DPP6: variants seen among roughly 807,000 people sequenced by gnomAD.
DPP6 encodes the protein A-type potassium channel modulatory protein DPP6.
In DPP6, 69 loss-of-function variants were observed where a neutral mutation model predicts 122.6. The ratio of observed to expected loss-of-function variants is 0.56; its 90% CI spans 0.46 to 0.69. DPP6 has a LOEUF of 0.69. Among genes scored for constraint, DPP6 ranks in the 30% least tolerant of loss-of-function variants. DPP6 has a pLI of 0.00. For synonymous variants in DPP6, 418 were observed against 433.1 expected, an observed-to-expected ratio of 0.97 and a Z score of 0.43; for missense variants, 928 against 1,116.9, an observed-to-expected ratio of 0.83 and a Z score of 2.41.
chr7:154,536,792 T>C (rs1435627111), intron 3 of DPP6, among the ~76,000 whole-genome samples: 1 of 152,200 alleles, frequency 6.6e-6, no homozygotes, highest in Non-Finnish European at 1.5e-5. Flanking sequence ...ACTGCAGATA[T>C]TCTTGCTGAA....
At chr7:154,418,830 T>C (rs1817232987) in intron 1 of DPP6, among the ~76,000 whole-genome samples, 1 of 152,222 alleles carries the variant, frequency 6.6e-6, no homozygotes, top group Non-Finnish European at 1.5e-5. Flanking sequence ...ATAAGCACCA[T>C]GGACCCTTCT....
At chr7:154,182,609 T>A (rs1288332402) in intron 1 of DPP6, among the ~76,000 whole-genome samples, 1 of 152,098 alleles carries the variant, frequency 6.6e-6, no homozygotes, top group Non-Finnish European at 1.5e-5. Flanking sequence ...CACACACAGA[T>A]GTCAAGAGAT....
At chr7:154,825,336 A>C (rs770718754) in intron 16 of DPP6, among the ~76,000 whole-genome samples, 3 of 152,228 alleles carry the variant, frequency 2.0e-5, no homozygotes, top group Non-Finnish European at 4.4e-5. Context: ...AGACTATTTT[A>C]AATCTACCTG....
chr7:154,387,007 G>T (rs1048950600), intron 1 of DPP6, among the ~76,000 whole-genome samples: 2 of 152,166 alleles, frequency 1.3e-5, no homozygotes, highest in Non-Finnish European at 2.9e-5. Flanking sequence ...CTTTTCCAGA[G>T]TGAGGTTACA....
chr7:153,816,461 G>C, the DPP6 span, among the ~76,000 whole-genome samples: 5 of 152,112 alleles, frequency 3.3e-5, no homozygotes, highest in South Asian at 2.1e-4. Context: ...GGAAGTAACT[G>C]TTTCCCTTAT....
At chr7:154,332,492 A>G (rs1030095081) in intron 1 of DPP6, among the ~76,000 whole-genome samples, 3 of 152,242 alleles carry the variant, frequency 2.0e-5, no homozygotes, top group Admixed American at 1.3e-4. Flanking sequence ...CTCCCAGGCC[A>G]TGCAGTTGAT....
At chr7:154,102,764 T>A (rs528991804) in intron 1 of DPP6, among the ~76,000 whole-genome samples, 1 of 152,290 alleles carries the variant, frequency 6.6e-6, no homozygotes, top group South Asian at 2.1e-4. Context: ...CTAGCTCCCT[T>A]AGCTTTGCTT....
intron 5 of DPP6, among the ~76,000 whole-genome samples, chr7:154,585,743 T>G (rs1385631947): frequency 6.6e-6 from 1 of 152,216 alleles, no homozygotes; most frequent in Non-Finnish European, 1.5e-5. Context: ...AATCTGCACA[T>G]GTTCAGTACA....
At chr7:154,204,474 T>C (rs186825728) in intron 1 of DPP6, among the ~76,000 whole-genome samples, 266 of 152,216 alleles carry the variant, frequency 1.7e-3, no homozygotes, top group Middle Eastern at 3.4e-3. Flanking sequence ...TGGGAAGAAT[T>C]AATTATTCAA....
At chr7:154,469,240 C>T (rs1445055278) in intron 2 of DPP6, among the ~76,000 whole-genome samples, 1 of 152,164 alleles carries the variant, frequency 6.6e-6, no homozygotes. Context: ...ACTGACTGTA[C>T]ATTTTCTTGT....
intron 1 of DPP6, among the ~76,000 whole-genome samples, chr7:154,259,712 A>G (rs558198496): frequency 6.6e-6 from 1 of 152,314 alleles, no homozygotes; most frequent in Admixed American, 6.5e-5. Flanking sequence ...GAGGGAATGA[A>G]TATTTTACAG....
intron 4 of DPP6, among the ~76,000 whole-genome samples, chr7:154,565,689 C>A (rs1830701070): frequency 6.6e-6 from 1 of 152,166 alleles, no homozygotes; most frequent in Non-Finnish European, 1.5e-5. Flanking sequence ...CCATACCCAG[C>A]TAATTTTGTA....
chr7:154,760,839 T>TG lies in DPP6; in HGVS notation c.884-8578_884-8577insG, dbSNP rs1205509392. On this transcript the variant is annotated intron_variant, in intron 8 of 25. Transcript: ENST00000377770. The surrounding 1 kb of genome is among the most constrained non-coding windows in gnomAD (Gnocchi z 4.5). ...GCTCAGCCTTCCTCTTTCAAAACTT[T>TG]TGTTTTTTTTTTTTTGAGACAGTCT... Among the ~76,000 whole-genome samples, 1 of 72,128 alleles carries TG rather than the reference T, an allele frequency of 1.4e-5. No homozygotes were observed. Among genetic ancestry groups the TG allele is most frequent in the African/African-American group, 5.5e-5 (1 of 18,234 alleles). The allele number at this position is 72,128 out of a possible 152,430, so 47.3% of individuals were successfully genotyped here. A position where few individuals can be genotyped will look rare whatever the true frequency, so the allele number is the denominator to read the frequency against.
chr7:154,544,050 T>C (rs963796179), intron 4 of DPP6, among the ~76,000 whole-genome samples: 3 of 146,100 alleles, frequency 2.1e-5, no homozygotes, highest in Non-Finnish European at 4.5e-5. Flanking sequence ...AATTCTATGA[T>C]GATTATATTA....
At chr7:154,063,198 G>A (rs6969182) in intron 1 of DPP6, among the ~76,000 whole-genome samples, 16,761 of 119,434 alleles carry the variant, frequency 0.14, 3,188 homozygotes, top group East Asian at 0.24. Flanking sequence ...CCATCGCAGG[G>A]TTGGGGAGGC....
intron 7 of DPP6, among the ~76,000 whole-genome samples, chr7:154,678,662 C>T (rs1290377591): frequency 3.3e-5 from 5 of 152,206 alleles, no homozygotes; most frequent in Admixed American, 6.5e-5. Context: ...GAACCAATTC[C>T]GGAGAAACTT....
At chr7:154,239,696 G>A (rs1402339624) in intron 1 of DPP6, among the ~76,000 whole-genome samples, 1 of 151,954 alleles carries the variant, frequency 6.6e-6, no homozygotes, top group Non-Finnish European at 1.5e-5. Context: ...GGCTGGGCTG[G>A]GCTCAATGGC....
intron 1 of DPP6, among the ~76,000 whole-genome samples, chr7:154,024,134 G>A (rs1381682357): frequency 2.0e-5 from 3 of 152,126 alleles, no homozygotes; most frequent in Admixed American, 6.5e-5. Context: ...AGGTGTGGGC[G>A]AGAAGGAATT....
chr7:153,924,014 C>T (rs2129009938), intron 1 of DPP6, among the ~76,000 whole-genome samples: 1 of 152,262 alleles, frequency 6.6e-6, no homozygotes, highest in Non-Finnish European at 1.5e-5. Flanking sequence ...ACATACGTGT[C>T]TACAGTCATT....
Sources: gnomAD v4.1 joint callset for allele counts (sites outside exome capture counted in the v4.1 genomes callset) on GRCh38, gnomAD v4.1.1 for gene constraint, Gnocchi (gnomAD v3.1) non-coding constraint, MANE v1.5 for transcripts, NCBI Gene and HGNC (gene_info 2026-07-23, HGNC 2026-07-21) for gene names.